The following SEZ6L variants were observed in gnomAD, a reference collection of about 807,000 sequenced individuals.
The protein encoded by SEZ6L is seizure related 6 homolog like.
SEZ6L carries 37 observed loss-of-function variants against 106.2 expected under a neutral mutation model. That is an observed-to-expected ratio of 0.35 (90% CI 0.27 to 0.46). The LOEUF is 0.46. Ranked by LOEUF, SEZ6L falls within the 20% of genes least tolerant of loss-of-function variation. The pLI is 1.00. For missense variants in SEZ6L, 1,172 were observed against 1,332.8 expected (o/e 0.88, Z 1.88); for synonymous variants, 541 against 570.4 (o/e 0.95, Z 0.73).
intron 9 of SEZ6L, among the ~76,000 whole-genome samples, chr22:26,314,506 C>G (rs962595742): frequency 2.6e-5 from 4 of 152,218 alleles, no homozygotes; most frequent in Non-Finnish European, 5.9e-5. Context: ...AGAAGGTCCT[C>G]TCCTCTGGGG....
intron 11 of SEZ6L, among the ~76,000 whole-genome samples, chr22:26,348,694 G>GAA (rs1223212391): frequency 5.5e-5 from 5 of 90,230 alleles, no homozygotes; most frequent in African/African-American, 1.8e-4. Flanking sequence ...AAGAAAGAAA[G>GAA]AAAGAAAGAA....
intron 5 of SEZ6L, among the ~76,000 whole-genome samples, chr22:26,302,082 A>G (rs140016171): frequency 6.6e-6 from 1 of 152,318 alleles, no homozygotes; most frequent in East Asian, 1.9e-4. Context: ...AGATAAGATT[A>G]CCACTTTCAT....
At chr22:26,248,653 G>A (rs1411859584) in intron 1 of SEZ6L, among the ~76,000 whole-genome samples, 3 of 152,246 alleles carry the variant, frequency 2.0e-5, no homozygotes, top group African/African-American at 7.2e-5. Context: ...CTGACCTCAT[G>A]CATCGAAGAT....
chr22:26,169,806 C>A, intron 1 of SEZ6L, 43 bp downstream of exon 1: 1 of 1,032,918 alleles, frequency 9.7e-7, no homozygotes, highest in South Asian at 4.3e-5. Flanking sequence ...GCAAAGTTGC[C>A]GGGAGAGCGG....
intron 12 of SEZ6L, 149 bp downstream of exon 12, chr22:26,351,392 CTGAT>C (rs746834692): frequency 8.0e-6 from 5 of 623,914 alleles, no homozygotes; most frequent in Non-Finnish European, 1.4e-5. Flanking sequence ...GTACCTAACA[CTGAT>C]TGGGAGCACA....
intron 1 of SEZ6L, among the ~76,000 whole-genome samples, chr22:26,242,007 G>A (rs2145772356): frequency 6.6e-6 from 1 of 152,362 alleles, no homozygotes; most frequent in Admixed American, 6.5e-5. Context: ...TATTCAGTGG[G>A]TGGGCAGGTG....
intron 14 of SEZ6L, among the ~76,000 whole-genome samples, chr22:26,374,893 G>A (rs940137650): frequency 6.6e-6 from 1 of 152,198 alleles, no homozygotes; most frequent in African/African-American, 2.4e-5. Flanking sequence ...TGCAGGAGTA[G>A]CCTCTGGGAA....
intron 1 of SEZ6L, among the ~76,000 whole-genome samples, chr22:26,187,962 G>A (rs1939901177): frequency 6.6e-6 from 1 of 152,186 alleles, no homozygotes; most frequent in African/African-American, 2.4e-5. Context: ...GGGAAGTGGG[G>A]CTGATCCCTA....
intron 6 of SEZ6L, among the ~76,000 whole-genome samples, chr22:26,307,466 T>G (rs1046662102): frequency 7.2e-6 from 1 of 138,946 alleles, no homozygotes; most frequent in African/African-American, 2.7e-5. Context: ...AGGTCTTTAG[T>G]TTGGAAAGAC....
chr22:26,175,399 G>T (rs566683307), intron 1 of SEZ6L, among the ~76,000 whole-genome samples: 5 of 152,282 alleles, frequency 3.3e-5, no homozygotes, highest in African/African-American at 1.2e-4. Flanking sequence ...GCTTAGAGAA[G>T]CTGAGTTATG....
At chr22:26,178,986 G>A (rs1407639911) in intron 1 of SEZ6L, among the ~76,000 whole-genome samples, 1 of 152,176 alleles carries the variant, frequency 6.6e-6, no homozygotes, top group Admixed American at 6.5e-5. Flanking sequence ...CGACACCAAT[G>A]TATAGGTTGA....
chr22:26,305,851 G>C, intron 5 of SEZ6L, 128 bp from the exon 6 acceptor site: 2 of 996,250 alleles, frequency 2.0e-6, no homozygotes, highest in Non-Finnish European at 2.9e-6. Flanking sequence ...GCAAGGGGCA[G>C]GGGTGGGGAT....
chr22:26,204,308 A>G (rs968331262), intron 1 of SEZ6L, among the ~76,000 whole-genome samples: 33 of 152,200 alleles, frequency 2.2e-4, no homozygotes, highest in African/African-American at 7.5e-4. Flanking sequence ...ACTAACTACT[A>G]TTGTGATGGG....
chr22:26,279,400 C>T (rs1246953792), intron 1 of SEZ6L, among the ~76,000 whole-genome samples: 1 of 152,142 alleles, frequency 6.6e-6, no homozygotes, highest in Admixed American at 6.6e-5. Context: ...TTTCCTGTGC[C>T]GTGACATTGG....
intron 12 of SEZ6L, among the ~76,000 whole-genome samples, chr22:26,354,050 C>A (rs1323293052): frequency 6.7e-6 from 1 of 150,306 alleles, no homozygotes; most frequent in Non-Finnish European, 1.5e-5. Context: ...TCTTCGACAT[C>A]CTAACCCATG....
chr22:26,332,977 T>C (rs1178865094), intron 9 of SEZ6L, among the ~76,000 whole-genome samples: 1 of 152,206 alleles, frequency 6.6e-6, no homozygotes, highest in Non-Finnish European at 1.5e-5. Context: ...TGTGAGGTTG[T>C]TTGAATGCTT....
At chr22:26,316,581 C>A (rs2082002575) in intron 9 of SEZ6L, among the ~76,000 whole-genome samples, 1 of 152,098 alleles carries the variant, frequency 6.6e-6, no homozygotes, top group African/African-American at 2.4e-5. Context: ...CTTGTAATCC[C>A]AGCACTTTGG....
chr22:26,226,961 G>T (rs1214198319), intron 1 of SEZ6L, among the ~76,000 whole-genome samples: 1 of 152,184 alleles, frequency 6.6e-6, no homozygotes, highest in Non-Finnish European at 1.5e-5. Context: ...TGTTGTCACT[G>T]TTGGTGGTCT....
intron 1 of SEZ6L, among the ~76,000 whole-genome samples, chr22:26,188,243 G>T (rs1278055392): frequency 6.6e-6 from 1 of 152,152 alleles, no homozygotes; most frequent in Non-Finnish European, 1.5e-5. Flanking sequence ...AACTATTGTT[G>T]TGTAACAAAC....
Sources: gnomAD v4.1 joint callset for allele counts (sites outside exome capture counted in the v4.1 genomes callset) on GRCh38, gnomAD v4.1.1 for gene constraint, MANE v1.5 for transcripts, NCBI Gene and HGNC (gene_info 2026-07-23, HGNC 2026-07-21) for gene names.